Variants in CELF4 observed in about 807,000 individuals in gnomAD.
CELF4 encodes the protein CUGBP Elav-like family member 4.
CELF4 carries 18 observed loss-of-function variants against 59.9 expected under a neutral mutation model. The ratio of observed to expected loss-of-function variants is 0.30; its 90% CI spans 0.21 to 0.45. The LOEUF (loss-of-function observed/expected upper bound fraction) is 0.45. Among genes scored for constraint, CELF4 ranks in the 20% least tolerant of loss-of-function variants. The pLI, the probability that CELF4 is intolerant of heterozygous loss-of-function variation, is 1.00. For missense variants in CELF4, 456 were observed against 689.0 expected, an observed-to-expected ratio of 0.66 and a Z score of 3.79; for synonymous variants, 261 against 267.1, an observed-to-expected ratio of 0.98 and a Z score of 0.22.
At chr18:37,431,524 C>T (rs529245889) in intron 2 of CELF4, among the ~76,000 whole-genome samples, 30 of 152,090 alleles carry the variant, frequency 2.0e-4, no homozygotes, top group African/African-American at 7.0e-4. Context: ...CCCGCCACCA[C>T]GCCCAGCTAA....
At position 37,275,313 on chromosome 18, in the gene CELF4, G is replaced by A. The variant is rs985410796; in HGVS notation, c.449-70C>T. 1.1e-4 allele frequency: 179 copies of A among 1,556,544 alleles called. No homozygotes were observed. In the Admixed American group the frequency reaches 1.3e-3, roughly 11 times the overall value. Reference sequence around the variant, plus strand: ...TGCGCGGGAGCAGGGCAAGGCCGGAGGGGGAGAGCGGCAGGGAAAGGGAGG... The same window carrying A: ...TGCGCGGGAGCAGGGCAAGGCCGGAAGGGGAGAGCGGCAGGGAAAGGGAGG... On this transcript the variant is annotated intron_variant, in intron 3 of 12. Transcript: ENST00000420428.
intron 1 of CELF4, among the ~76,000 whole-genome samples, chr18:37,492,647 T>G (rs1215197403): frequency 1.3e-5 from 2 of 152,120 alleles, no homozygotes; most frequent in Non-Finnish European, 2.9e-5. Flanking sequence ...ATGTTCTTCC[T>G]CTGCAAATGT....
intron 1 of CELF4, among the ~76,000 whole-genome samples, chr18:37,543,708 A>G (rs1331630190): frequency 1.3e-5 from 2 of 152,206 alleles, no homozygotes; most frequent in Non-Finnish European, 2.9e-5. Context: ...TTCTTGCTAC[A>G]TTGTCATCTT....
At chr18:37,496,156 C>T (rs550889845) in intron 1 of CELF4, among the ~76,000 whole-genome samples, 1 of 152,212 alleles carries the variant, frequency 6.6e-6, no homozygotes, top group Non-Finnish European at 1.5e-5. Context: ...GTGTAACCCT[C>T]CCAGCTTCTC....
intron 3 of CELF4, among the ~76,000 whole-genome samples, chr18:37,303,385 T>C (rs1158079329): frequency 2.0e-5 from 3 of 152,160 alleles, no homozygotes; most frequent in African/African-American, 7.2e-5. Flanking sequence ...AAAACAGTCG[T>C]TGAAATTGAA....
chr18:37,284,785 T>C (rs985953476), intron 3 of CELF4, among the ~76,000 whole-genome samples: 1 of 152,198 alleles, frequency 6.6e-6, no homozygotes, highest in African/African-American at 2.4e-5. Context: ...GAGCAGCACT[T>C]TACAGGTATG....
chr18:37,257,724 C>G (rs984582679), intron 11 of CELF4, among the ~76,000 whole-genome samples: 10 of 152,188 alleles, frequency 6.6e-5, no homozygotes, highest in African/African-American at 2.4e-4. Flanking sequence ...CTACTCTCTC[C>G]TCCCAGCCCC....
At chr18:37,502,849 C>T (rs1012891641) in intron 1 of CELF4, among the ~76,000 whole-genome samples, 3 of 152,234 alleles carry the variant, frequency 2.0e-5, no homozygotes, top group African/African-American at 4.8e-5. Context: ...CTCTAGGTAG[C>T]GCTGATTCCC....
chr18:37,497,649 C>CT lies in CELF4; in HGVS notation c.287-12043dup, dbSNP rs1396612447. Among the ~76,000 whole-genome samples, 4 of 114,998 alleles carry CT rather than the reference C, an allele frequency of 3.5e-5. No homozygotes were observed. In the East Asian group the frequency reaches 2.0e-3, roughly 56 times the overall value. The allele number at this position is 114,998 out of a possible 152,430, so 75.4% of individuals were successfully genotyped here. On this transcript the variant is annotated intron_variant, in intron 1 of 12. Coordinates refer to ENST00000420428, the MANE Select transcript of CELF4 (RefSeq NM_020180.4). ...CCTCGATGACAGAACGAGACTCTGTCTCAAAAAAAAAAAAAAAGAAAAAAG... is the reference window on the plus strand; with the variant it reads ...CCTCGATGACAGAACGAGACTCTGTCTTCAAAAAAAAAAAAAAAGAAAAAAG...
intron 2 of CELF4, among the ~76,000 whole-genome samples, chr18:37,405,950 A>G (rs1055434497): frequency 1.3e-5 from 2 of 152,094 alleles, no homozygotes; most frequent in East Asian, 3.9e-4. Context: ...AATAACTTAC[A>G]TGCATAACAC....
intron 2 of CELF4, among the ~76,000 whole-genome samples, chr18:37,423,933 A>G (rs143252735): frequency 3.2e-4 from 49 of 151,714 alleles, no homozygotes; most frequent in African/African-American, 1.1e-3. Context: ...TCTCTTCCTC[A>G]TCTCTGAGTT....
chr18:37,321,246 C>A (rs1335899962), intron 3 of CELF4, among the ~76,000 whole-genome samples: 7 of 152,166 alleles, frequency 4.6e-5, no homozygotes, highest in Non-Finnish European at 8.8e-5. Context: ...CCAGTGGGCT[C>A]CACATTCTAG....
chr18:37,470,721 T>A, intron 2 of CELF4, among the ~76,000 whole-genome samples: 1 of 151,990 alleles, frequency 6.6e-6, no homozygotes, highest in East Asian at 1.9e-4. Flanking sequence ...TTTCTGACAA[T>A]GCTGGACAAA....
At chr18:37,464,143 C>T (rs894091206) in intron 2 of CELF4, among the ~76,000 whole-genome samples, 3 of 152,170 alleles carry the variant, frequency 2.0e-5, no homozygotes, top group South Asian at 2.1e-4. Context: ...TCTAAATTAG[C>T]GGTGCATAAT....
intron 7 of CELF4, 76 bp from the exon 8 acceptor site, chr18:37,270,993 A>G: frequency 7.7e-7 from 1 of 1,306,214 alleles, no homozygotes. Context: ...CCACCCATAA[A>G]GCTTCACTCA....
chr18:37,445,732 G>T (rs1159198676), intron 2 of CELF4, among the ~76,000 whole-genome samples: 2 of 152,100 alleles, frequency 1.3e-5, no homozygotes, highest in Non-Finnish European at 2.9e-5. Context: ...GCATAAGTCC[G>T]ATGCATTCCG....
intron 2 of CELF4, among the ~76,000 whole-genome samples, chr18:37,459,383 G>A (rs1413005065): frequency 6.6e-6 from 1 of 152,092 alleles, no homozygotes; most frequent in Admixed American, 6.5e-5. Context: ...CATCTCTTTT[G>A]CTCAGAGCTC....
intron 1 of CELF4, among the ~76,000 whole-genome samples, chr18:37,507,646 C>T (rs2099939566): frequency 6.6e-6 from 1 of 152,200 alleles, no homozygotes; most frequent in African/African-American, 2.4e-5. Context: ...AAATCGGGCT[C>T]CTCCTAGAGA....
intron 2 of CELF4, among the ~76,000 whole-genome samples, chr18:37,339,867 G>A (rs927568148): frequency 6.6e-6 from 1 of 152,100 alleles, no homozygotes; most frequent in East Asian, 1.9e-4. Flanking sequence ...AGGGGGCAAA[G>A]GCAAGGGGAG....
Sources: gnomAD v4.1 joint callset for allele counts (sites outside exome capture counted in the v4.1 genomes callset) on GRCh38, gnomAD v4.1.1 for gene constraint, MANE v1.5 for transcripts, NCBI Gene and HGNC (gene_info 2026-07-23, HGNC 2026-07-21) for gene names.